Variants in ADAM32 observed in about 807,000 individuals in gnomAD.
ADAM32 encodes ADAM metallopeptidase domain 32, also known as disintegrin and metalloproteinase domain-containing protein 32.
ADAM32 carries 89 observed loss-of-function variants against 114.9 expected under a neutral mutation model. The observed-to-expected ratio is 0.77, with a 90% CI of 0.65 to 0.92. ADAM32 has a LOEUF of 0.92. Among genes scored for constraint, ADAM32 ranks in the 40% least tolerant of loss-of-function variants. The pLI, the probability that ADAM32 is intolerant of heterozygous loss-of-function variation, is 0.00. For synonymous variants in ADAM32, 285 were observed against 307.5 expected (o/e 0.93, Z 0.77); for missense variants, 870 against 932.8 (o/e 0.93, Z 0.88).
At chr8:39,216,838 G>C (rs934777142) in intron 12 of ADAM32, among the ~76,000 whole-genome samples, 1 of 151,464 alleles carries the variant, frequency 6.6e-6, no homozygotes, top group Non-Finnish European at 1.5e-5. Flanking sequence ...ATTTTGATTG[G>C]TTCATCATCT....
At chr8:39,261,573 G>A (rs1013607521) in intron 19 of ADAM32, among the ~76,000 whole-genome samples, 1 of 152,188 alleles carries the variant, frequency 6.6e-6, no homozygotes, top group Non-Finnish European at 1.5e-5. Flanking sequence ...TAAATACCCA[G>A]TGGTGTGATT....
intron 16 of ADAM32, among the ~76,000 whole-genome samples, chr8:39,237,202 C>CT: frequency 2.0e-5 from 3 of 152,160 alleles, no homozygotes; most frequent in African/African-American, 7.2e-5. Context: ...CTTGTAGGCA[C>CT]TCCCAGTTCT....
chr8:39,180,896 G>C (rs1261140883), intron 10 of ADAM32, among the ~76,000 whole-genome samples: 3 of 152,166 alleles, frequency 2.0e-5, no homozygotes, highest in Non-Finnish European at 4.4e-5. Flanking sequence ...TGCACCAATC[G>C]ACACTCTGTA....
At chr8:39,111,122 G>A (rs1047945981) in intron 1 of ADAM32, among the ~76,000 whole-genome samples, 10 of 152,076 alleles carry the variant, frequency 6.6e-5, no homozygotes, top group Middle Eastern at 3.2e-3. Flanking sequence ...ATATTCACCC[G>A]TTTGTTTACT....
rs578128495 is a variant in ADAM32, at chr8:39,227,638, G to A, written c.1526-4389G>A. ...CTAGGTACACAACTCCAGTGACCTG[G>A]GAATCTCACCCCCACCCCACACAGC... On this transcript the variant is annotated intron_variant, in intron 14 of 24. Coordinates refer to ENST00000379907, the MANE Select transcript of ADAM32 (RefSeq NM_145004.7). 3.3e-5 allele frequency among the ~76,000 whole-genome samples: 5 copies of A among 152,214 alleles called. No individual in the cohort carries two copies. In the East Asian group the frequency reaches 9.6e-4, roughly 29 times the overall value.
At chr8:39,108,054 C>T in intron 1 of ADAM32, 1 of 522,506 alleles carries the variant, frequency 1.9e-6, no homozygotes. Flanking sequence ...GAGACTGAGG[C>T]GAGCTGATTG....
At chr8:39,188,347 T>C (rs916009336) in intron 11 of ADAM32, among the ~76,000 whole-genome samples, 5 of 148,330 alleles carry the variant, frequency 3.4e-5, no homozygotes, top group African/African-American at 9.9e-5. Flanking sequence ...TCCATATAGA[T>C]GGATAAATGG....
At chr8:39,190,694 G>A (rs1443550053) in intron 11 of ADAM32, among the ~76,000 whole-genome samples, 4 of 152,168 alleles carry the variant, frequency 2.6e-5, no homozygotes, top group Non-Finnish European at 5.9e-5. Context: ...TTGGCAATTT[G>A]TATGTCTTCC....
Position 39,275,012 on chromosome 8 carries a change from C to T in ADAM32, c.2240+662C>T, listed in dbSNP as rs568612917. On this transcript the variant is annotated intron_variant, in intron 21 of 24. Transcript: ENST00000379907. ...TTCTCTGTGTGATGATTTTTCCATC[C>T]AAATTCCTAAGCCAATTTAAGTGCT... Among the ~76,000 whole-genome samples, 6 of 152,310 alleles carry T rather than the reference C, an allele frequency of 3.9e-5. No homozygotes were observed. The South Asian group carries it at 1.2e-3, about 32-fold the overall frequency.
At chr8:39,112,697 C>T (rs2129444062) in intron 1 of ADAM32, among the ~76,000 whole-genome samples, 1 of 152,274 alleles carries the variant, frequency 6.6e-6, no homozygotes, top group Non-Finnish European at 1.5e-5. Context: ...AAACTATCAC[C>T]ACCCCCTTGC....
chr8:39,254,588 C>G, intron 18 of ADAM32, 72 bp downstream of exon 18: 1 of 1,218,268 alleles, frequency 8.2e-7, no homozygotes. Flanking sequence ...AAACAAAGTT[C>G]GATTTTTCCA....
chr8:39,127,733 T>C (rs1802204432), intron 2 of ADAM32, among the ~76,000 whole-genome samples: 1 of 152,170 alleles, frequency 6.6e-6, no homozygotes, highest in Admixed American at 6.5e-5. Flanking sequence ...TGGGGTTTGT[T>C]TGCTCTTAGT....
At chr8:39,116,015 AT>A (rs1160176260) in intron 1 of ADAM32, among the ~76,000 whole-genome samples, 1 of 152,016 alleles carries the variant, frequency 6.6e-6, no homozygotes, top group Non-Finnish European at 1.5e-5. Context: ...ATTGCTTGTT[AT>A]TGTTAACTGT....
rs1217017854 is a variant in ADAM32 at position 39,177,142 on chromosome 8, C to T, written c.915+7145C>T. Among the ~76,000 whole-genome samples, 2 of 151,808 alleles carry T rather than the reference C, an allele frequency of 1.3e-5. 1 individual carries two copies. Among genetic ancestry groups the T allele is most frequent in the Non-Finnish European group, 2.9e-5 (2 of 67,988 alleles). On this transcript the variant is annotated intron_variant, in intron 10 of 24. Transcript: ENST00000379907. Reference sequence around the variant, plus strand: ...TGGCATGATTTCGGCTCACTGCAACCTCTGCCTCCCAGGTTCAAGAGATTC... The same window carrying T: ...TGGCATGATTTCGGCTCACTGCAACTTCTGCCTCCCAGGTTCAAGAGATTC...
chr8:39,238,727 A>T (rs1037024100), intron 16 of ADAM32, among the ~76,000 whole-genome samples: 6 of 152,200 alleles, frequency 3.9e-5, no homozygotes, highest in Non-Finnish European at 8.8e-5. Context: ...GAGATCAGAA[A>T]TAAAAGAAAT....
At chr8:39,190,980 T>C (rs1343709560) in intron 11 of ADAM32, among the ~76,000 whole-genome samples, 1 of 152,164 alleles carries the variant, frequency 6.6e-6, no homozygotes, top group Non-Finnish European at 1.5e-5. Flanking sequence ...TGTGTTCTCA[T>C]CCTTTAGCTC....
chr8:39,199,331 C>G (rs990825366), intron 11 of ADAM32, among the ~76,000 whole-genome samples: 1 of 152,128 alleles, frequency 6.6e-6, no homozygotes, highest in Non-Finnish European at 1.5e-5. Flanking sequence ...TCCTTCTAGT[C>G]CCAAAATGTG....
At chr8:39,191,391 T>G (rs1007739493) in intron 11 of ADAM32, among the ~76,000 whole-genome samples, 5 of 152,216 alleles carry the variant, frequency 3.3e-5, no homozygotes, top group African/African-American at 9.6e-5. Context: ...TGTTCCTTTT[T>G]CTCCACAACC....
At chr8:39,126,851 C>G (rs577750937) in intron 2 of ADAM32, among the ~76,000 whole-genome samples, 2 of 152,036 alleles carry the variant, frequency 1.3e-5, no homozygotes, top group African/African-American at 4.8e-5. Flanking sequence ...CTTTCAATAC[C>G]TAGTTTACTG....
Sources: allele counts gnomAD v4.1 joint callset (sites outside exome capture counted in the v4.1 genomes callset), GRCh38; gene constraint gnomAD v4.1.1; transcripts MANE v1.5; gene names NCBI Gene and HGNC (gene_info 2026-07-23, HGNC 2026-07-21).